The following AP1G1 variants were observed in gnomAD, a reference collection of about 807,000 sequenced individuals.
The protein encoded by AP1G1 is AP-1 complex subunit gamma-1.
Under a neutral mutation model 108.3 loss-of-function variants are expected in AP1G1, and 7 were observed. That is an observed-to-expected ratio of 0.06 (90% CI 0.04 to 0.12). The LOEUF is 0.12. Ranked by LOEUF, AP1G1 falls within the 10% of genes least tolerant of loss-of-function variation. The probability of loss-of-function intolerance (pLI) is 1.00; values close to 1 mark genes in which losing one functional copy is unlikely to be tolerated. For missense variants in AP1G1, 756 were observed against 1,010.7 expected (o/e 0.75, Z 3.42); for synonymous variants, 379 against 353.5 (o/e 1.07, Z -0.81).
chr16:71,738,459 T>C (rs890289624), intron 21 of AP1G1, among the ~76,000 whole-genome samples: 1 of 152,204 alleles, frequency 6.6e-6, no homozygotes, highest in Non-Finnish European at 1.5e-5. Context: ...GTATCTATAA[T>C]AAATTGGATG....
chr16:71,758,780 A>G (rs767235512), intron 11 of AP1G1, 28 bp downstream of exon 11: 3 of 1,383,740 alleles, frequency 2.2e-6, no homozygotes, highest in Non-Finnish European at 3.0e-6. Flanking sequence ...CAAAAACACT[A>G]GACTGAGAAA....
At chr16:71,795,850 A>G (rs1055721014) in intron 1 of AP1G1, among the ~76,000 whole-genome samples, 1 of 152,184 alleles carries the variant, frequency 6.6e-6, no homozygotes, top group Non-Finnish European at 1.5e-5. Context: ...TTTCCCCTAT[A>G]TGAAGAAATG....
chr16:71,757,056 A>T (rs2030829885), intron 11 of AP1G1, among the ~76,000 whole-genome samples: 1 of 152,252 alleles, frequency 6.6e-6, no homozygotes, highest in African/African-American at 2.4e-5. Context: ...ATGAAGTTAA[A>T]AATAGGAATG....
chr16:71,745,960 T>C (rs1026703387), intron 17 of AP1G1, among the ~76,000 whole-genome samples: 2 of 152,066 alleles, frequency 1.3e-5, no homozygotes, highest in African/African-American at 4.8e-5. Context: ...CACTAGAATG[T>C]TAACAGTAAA....
At chr16:71,771,847 C>T (rs1165364345) in intron 4 of AP1G1, among the ~76,000 whole-genome samples, 1 of 152,030 alleles carries the variant, frequency 6.6e-6, no homozygotes. Context: ...TATAAATCTA[C>T]TGTTATGTTT....
intron 2 of AP1G1, among the ~76,000 whole-genome samples, chr16:71,787,697 T>G (rs190162231): frequency 2.6e-5 from 4 of 152,164 alleles, no homozygotes; most frequent in Non-Finnish European, 2.9e-5. Context: ...CACGTAGGCA[T>G]CTATTTGCTT....
At chr16:71,742,440 G>A (rs1049265103) in intron 19 of AP1G1, 4 of 152,000 alleles carry the variant, frequency 2.6e-5, no homozygotes, top group African/African-American at 7.2e-5. Context: ...ATGACTGTGC[G>A]GTTAAACATA....
At chr16:71,758,405 G>A (rs1322336642) in intron 11 of AP1G1, 1 of 520,830 alleles carries the variant, frequency 1.9e-6, no homozygotes, top group Non-Finnish European at 3.8e-6. Flanking sequence ...TGAAAAACGT[G>A]TGCTGTCAGC....
intron 21 of AP1G1, among the ~76,000 whole-genome samples, chr16:71,738,197 C>G (rs1051692293): frequency 2.0e-5 from 3 of 151,816 alleles, no homozygotes; most frequent in Non-Finnish European, 2.9e-5. Context: ...ATTAGAGGAA[C>G]CTGCCATCAC....
chr16:71,805,935 C>G (rs901495532), intron 1 of AP1G1, among the ~76,000 whole-genome samples: 4 of 151,726 alleles, frequency 2.6e-5, no homozygotes, highest in South Asian at 4.2e-4. Context: ...GCAGGAGGAT[C>G]GCTTGAGTCC....
intron 2 of AP1G1, among the ~76,000 whole-genome samples, chr16:71,781,810 C>A (rs1319454291): frequency 6.6e-6 from 1 of 152,148 alleles, no homozygotes; most frequent in Non-Finnish European, 1.5e-5. Flanking sequence ...ACATACATGT[C>A]TTTGTATACT....
intron 10 of AP1G1, among the ~76,000 whole-genome samples, chr16:71,759,421 A>G (rs1378087552): frequency 6.6e-6 from 1 of 152,092 alleles, no homozygotes; most frequent in Non-Finnish European, 1.5e-5. Flanking sequence ...AGATCATGCC[A>G]CTGCACTCCA....
chr16:71,761,411 C>A (rs2031078432), intron 10 of AP1G1, 101 bp downstream of exon 10: 2 of 861,724 alleles, frequency 2.3e-6, no homozygotes, highest in Non-Finnish European at 3.8e-6. Context: ...GCTAAAAGTT[C>A]TAAATATGTG....
At chr16:71,785,610 A>C (rs566618073) in intron 2 of AP1G1, among the ~76,000 whole-genome samples, 55 of 146,644 alleles carry the variant, frequency 3.8e-4, no homozygotes, top group Non-Finnish European at 7.5e-4. Flanking sequence ...GTGGGCTGGG[A>C]ATGGTGGCTC....
intron 11 of AP1G1, 43 bp from the exon 12 acceptor site, chr16:71,756,202 T>G: frequency 6.3e-7 from 1 of 1,580,258 alleles, no homozygotes; most frequent in Non-Finnish European, 8.6e-7. Flanking sequence ...AAATTTATAG[T>G]GGAAATGAAA....
chr16:71,803,130 C>T (rs1198240276), intron 1 of AP1G1, among the ~76,000 whole-genome samples: 1 of 151,528 alleles, frequency 6.6e-6, no homozygotes, highest in Non-Finnish European at 1.5e-5. Context: ...ACAAGAATCG[C>T]GGGAACCCAG....
At chr16:71,807,836 G>A (rs534963243) in intron 1 of AP1G1, 7 of 1,289,018 alleles carry the variant, frequency 5.4e-6, no homozygotes, top group Non-Finnish European at 6.1e-6. Flanking sequence ...ACAGATTTCC[G>A]TGCTCAGGGA....
chr16:71,749,320 A>G (rs1200011017), intron 15 of AP1G1, among the ~76,000 whole-genome samples: 3 of 151,540 alleles, frequency 2.0e-5, no homozygotes. Flanking sequence ...TGTCTCTACA[A>G]AAAAAAAGTA....
At chr16:71,770,442 C>G (rs1291116690) in intron 5 of AP1G1, among the ~76,000 whole-genome samples, 1 of 152,194 alleles carries the variant, frequency 6.6e-6, no homozygotes, top group Non-Finnish European at 1.5e-5. Context: ...TTCTGAGTAC[C>G]TAATACAAGC....
Sources: allele counts gnomAD v4.1 joint callset (sites outside exome capture counted in the v4.1 genomes callset), GRCh38; gene constraint gnomAD v4.1.1; transcripts MANE v1.5; gene names NCBI Gene and HGNC (gene_info 2026-07-23, HGNC 2026-07-21).